The following CAPN13 variants were observed in gnomAD, a reference collection of about 807,000 sequenced individuals.
CAPN13 encodes the protein calpain-13.
A neutral mutation model predicts 98.4 loss-of-function variants in CAPN13; 90 were observed. The ratio of observed to expected loss-of-function variants is 0.92; its 90% CI spans 0.77 to 1.09. The LOEUF (loss-of-function observed/expected upper bound fraction) is 1.09, where lower values mean the gene tolerates loss of function less well. Among genes scored for constraint, CAPN13 ranks in the 50% least tolerant of loss-of-function variants. The probability of loss-of-function intolerance (pLI) is 0.00; values close to 1 mark genes in which losing one functional copy is unlikely to be tolerated. For missense variants in CAPN13, 887 were observed against 841.3 expected, an observed-to-expected ratio of 1.05 and a Z score of -0.67; for synonymous variants, 330 against 305.5, an observed-to-expected ratio of 1.08 and a Z score of -0.84.
At chr2:30,786,205 A>T (rs1674269688) in intron 2 of CAPN13, among the ~76,000 whole-genome samples, 1 of 152,236 alleles carries the variant, frequency 6.6e-6, no homozygotes, top group Non-Finnish European at 1.5e-5. Context: ...GGAAGTGTTT[A>T]GACAGTGCTT....
At chr2:30,769,314 G>A (rs1673268982) in intron 5 of CAPN13, among the ~76,000 whole-genome samples, 1 of 152,022 alleles carries the variant, frequency 6.6e-6, no homozygotes, top group Admixed American at 6.5e-5. Flanking sequence ...GGCTGCCTGG[G>A]TGCACACTCC....
In CAPN13 at chr2:30,753,072, C is replaced by G; in HGVS notation, c.1068G>C (p.Val356=). 1 of 1,613,970 alleles carries G rather than the reference C, an allele frequency of 6.2e-7. No homozygotes were observed. Among genetic ancestry groups the G allele is most frequent in the South Asian group, 1.1e-5 (1 of 91,072 alleles). ...GATTACCTGCAGTGTTTCCTAGAAT[C>G]ACTTGCTTCCTAAACATTATTTGGG... ...GWSQIMFRKQ[V]ILGNTAGGPR... The change falls in exon 10 of 23, where the codon GTG becomes GTC. Residue 356 remains valine (V), a synonymous_variant. Coordinates refer to ENST00000295055, the MANE Select transcript of CAPN13 (RefSeq NM_144575.3).
At chr2:30,734,325 G>A (rs920806408) in intron 19 of CAPN13, 124 bp downstream of exon 19, 6 of 722,572 alleles carry the variant, frequency 8.3e-6, no homozygotes, top group Non-Finnish European at 1.2e-5. Context: ...GGGAGGACAC[G>A]AGAGCTGCAG....
intron 7 of CAPN13, among the ~76,000 whole-genome samples, chr2:30,760,764 C>T (rs979873425): frequency 9.9e-5 from 15 of 152,176 alleles, no homozygotes; most frequent in African/African-American, 2.4e-4. Flanking sequence ...GACCTATTGG[C>T]GCTCGCATGG....
At chr2:30,735,625 T>C (rs1671324527) in intron 18 of CAPN13, among the ~76,000 whole-genome samples, 1 of 152,176 alleles carries the variant, frequency 6.6e-6, no homozygotes, top group African/African-American at 2.4e-5. Flanking sequence ...GGAGTGGACA[T>C]GCCAGCCGTC....
intron 15 of CAPN13, chr2:30,741,612 T>C (rs1461861692): frequency 8.6e-7 from 1 of 1,161,752 alleles, no homozygotes; most frequent in Non-Finnish European, 1.1e-6. Context: ...TACTGCCAAT[T>C]GCTTGTTTAA....
chr2:30,758,200 G>A, intron 7 of CAPN13, 63 bp from the exon 8 acceptor site: 1 of 1,231,064 alleles, frequency 8.1e-7, no homozygotes, highest in Admixed American at 2.5e-5. Context: ...AAAGGGGGAT[G>A]AATGCAGCTG....
At chr2:30,743,182 T>A (rs1671742296) in intron 13 of CAPN13, 1 of 602,298 alleles carries the variant, frequency 1.7e-6, no homozygotes, top group South Asian at 2.0e-5. Context: ...AATGGACCCA[T>A]CCTGTTTGTG....
intron 5 of CAPN13, among the ~76,000 whole-genome samples, chr2:30,764,656 G>A (rs990880159): frequency 6.6e-6 from 1 of 152,138 alleles, no homozygotes; most frequent in Non-Finnish European, 1.5e-5. Context: ...TGAGCTTCAT[G>A]GGGCTATGTT....
chr2:30,801,324 A>C (rs546404419), intron 1 of CAPN13, among the ~76,000 whole-genome samples: 55 of 152,226 alleles, frequency 3.6e-4, no homozygotes, highest in African/African-American at 1.3e-3. Context: ...ACAAACAGAA[A>C]ATGGATGAGT....
chr2:30,767,067 C>T (rs185612066), intron 5 of CAPN13, among the ~76,000 whole-genome samples: 6 of 152,276 alleles, frequency 3.9e-5, no homozygotes, highest in Admixed American at 1.3e-4. Flanking sequence ...GGACTGACAG[C>T]GTCAGGGATG....
At chr2:30,796,200 GTA>G (rs748130186) in intron 1 of CAPN13, among the ~76,000 whole-genome samples, 1 of 136,562 alleles carries the variant, frequency 7.3e-6, no homozygotes, top group East Asian at 2.0e-4. Context: ...ATATGTGTGT[GTA>G]TATATATATA....
At chr2:30,764,050 C>T in intron 6 of CAPN13, 82 bp downstream of exon 6, 1 of 1,396,420 alleles carries the variant, frequency 7.2e-7, no homozygotes, top group South Asian at 1.4e-5. Flanking sequence ...GCCACATCCT[C>T]CTTAGCTGAA....
chr2:30,797,759 C>T (rs77068028), intron 1 of CAPN13, among the ~76,000 whole-genome samples: 3,715 of 152,266 alleles, frequency 0.024, 143 homozygotes, highest in African/African-American at 0.085. Flanking sequence ...TCTTTCCATG[C>T]GTTGAGACTG....
chr2:30,738,562 C>T (rs1671496278), intron 15 of CAPN13, 105 bp from the exon 16 acceptor site: 1 of 1,177,528 alleles, frequency 8.5e-7, no homozygotes, highest in Admixed American at 2.0e-5. Context: ...CACTTAGTCC[C>T]CACAATGTAC....
chr2:30,736,077 A>G (rs1489271644), intron 18 of CAPN13, among the ~76,000 whole-genome samples: 1 of 152,060 alleles, frequency 6.6e-6, no homozygotes, highest in East Asian at 1.9e-4. Context: ...CTTGCGTGCC[A>G]CTCTGAGGGC....
chr2:30,787,010 T>C (rs1915126), intron 2 of CAPN13, 118 bp downstream of exon 2: 668,446 of 738,544 alleles, frequency 0.91, 302,976 homozygotes, highest in African/African-American at 0.97. Flanking sequence ...CAGAGATACC[T>C]GGTGAATTTC....
Position 30,787,162 on chromosome 2 carries a change from T to A in CAPN13, c.164A>T (p.Lys55Ile). 1.3e-6 allele frequency: 2 copies of A among 1,581,398 alleles called. No individual in the cohort carries two copies. Among genetic ancestry groups the A allele is most frequent in the South Asian group, 2.3e-5 (2 of 86,048 alleles). The change falls in exon 2 of 23, where the codon AAA becomes ATA. Residue 55 changes from lysine (K) to isoleucine (I), a missense_variant. Lys to Ile is a moderately radical substitution (Grantham distance 102). Coordinates refer to ENST00000295055, the MANE Select transcript of CAPN13 (RefSeq NM_144575.3). ...CTTCCATATCACATTGGAGAGGCGT[T>A]TTTCCTGGAGCAGCTTCTGGCCTAT... ...SSIGQKLLQE[K>I]RLSNVIWKRP...
chr2:30,756,726 G>C (rs1672470612), intron 8 of CAPN13, among the ~76,000 whole-genome samples: 1 of 152,190 alleles, frequency 6.6e-6, no homozygotes. Flanking sequence ...GTATTGGAAA[G>C]GGCAAAGGAT....
Sources: allele counts gnomAD v4.1 joint callset (sites outside exome capture counted in the v4.1 genomes callset), GRCh38; gene constraint gnomAD v4.1.1; transcripts MANE v1.5; gene names NCBI Gene and HGNC (gene_info 2026-07-23, HGNC 2026-07-21).